The following LNX1 variants were observed in gnomAD, a reference collection of about 807,000 sequenced individuals.
The protein encoded by LNX1 is ligand of numb-protein X 1.
LNX1 carries 54 observed loss-of-function variants against 68.4 expected under a neutral mutation model. That is an observed-to-expected ratio of 0.79 (90% CI 0.63 to 0.99). The LOEUF is 0.99. Ranked by LOEUF, LNX1 falls within the 50% of genes least tolerant of loss-of-function variation. The pLI, the probability that LNX1 is intolerant of heterozygous loss-of-function variation, is 0.00. For synonymous variants in LNX1, 336 were observed against 350.0 expected, an observed-to-expected ratio of 0.96 and a Z score of 0.45; for missense variants, 906 against 926.4, an observed-to-expected ratio of 0.98 and a Z score of 0.29.
At chr4:53,619,549 C>T (rs1253853554), upstream of LNX1, among the ~76,000 whole-genome samples, 2 of 152,102 alleles carry the variant, frequency 1.3e-5, no homozygotes, top group Non-Finnish European at 2.9e-5. Flanking sequence ...TACTGCCTTC[C>T]TTTTTATGGT....
At chr4:53,473,167 T>C (rs1723349345) in intron 9 of LNX1, among the ~76,000 whole-genome samples, 3 of 152,082 alleles carry the variant, frequency 2.0e-5, no homozygotes, top group Non-Finnish European at 2.9e-5. Context: ...AACTGCTCTA[T>C]GAACAAGAGC....
intron 2 of LNX1, among the ~76,000 whole-genome samples, chr4:53,601,496 T>C (rs1467041232): frequency 6.6e-6 from 1 of 152,202 alleles, no homozygotes; most frequent in Non-Finnish European, 1.5e-5. Flanking sequence ...TCTAAGTGAT[T>C]AGGCTGCACC....
intron 9 of LNX1, among the ~76,000 whole-genome samples, chr4:53,468,217 C>A (rs1205621741): frequency 2.0e-5 from 3 of 152,104 alleles, no homozygotes; most frequent in African/African-American, 7.2e-5. Flanking sequence ...AATTTTCAAC[C>A]CAGAATTTCA....
At chr4:53,642,783 A>G (rs1344501122) in intron 1 of LNX1, among the ~76,000 whole-genome samples, 1 of 152,122 alleles carries the variant, frequency 6.6e-6, no homozygotes, top group Admixed American at 6.5e-5. Flanking sequence ...TTACTTTGAG[A>G]TCAGAATGGT....
intron 2 of LNX1, among the ~76,000 whole-genome samples, chr4:53,548,270 T>A (rs1729247563): frequency 6.6e-6 from 1 of 152,206 alleles, no homozygotes; most frequent in Non-Finnish European, 1.5e-5. Context: ...TGAGCAATTT[T>A]CCTCCATTTA....
intron 1 of LNX1, among the ~76,000 whole-genome samples, chr4:53,643,751 A>C (rs1365760741): frequency 1.3e-5 from 2 of 152,182 alleles, no homozygotes; most frequent in Non-Finnish European, 2.9e-5. Flanking sequence ...AAGCTCTTTG[A>C]ACCTCAGTTT....
intron 2 of LNX1, among the ~76,000 whole-genome samples, chr4:53,614,197 T>A (rs1004164525): frequency 6.6e-6 from 1 of 152,198 alleles, no homozygotes; most frequent in African/African-American, 2.4e-5. Context: ...CCATTGTAGA[T>A]GCTTTTTCAG....
chr4:53,628,350 CA>C (rs1560699713), intron 1 of LNX1, among the ~76,000 whole-genome samples: 1 of 151,976 alleles, frequency 6.6e-6, no homozygotes, highest in African/African-American at 2.4e-5. Context: ...AGACATTTCT[CA>C]AAAAAAGTTA....
chr4:53,546,971 T>G (rs1394675791), intron 2 of LNX1, among the ~76,000 whole-genome samples: 2 of 152,168 alleles, frequency 1.3e-5, no homozygotes, highest in Non-Finnish European at 1.5e-5. Flanking sequence ...AGTTACCCCT[T>G]TCTCAGCTCA....
At chr4:53,552,760 T>A (rs1577702954) in intron 2 of LNX1, among the ~76,000 whole-genome samples, 2 of 138,006 alleles carry the variant, frequency 1.4e-5, no homozygotes, top group African/African-American at 5.5e-5. Flanking sequence ...ACCCGGGAGA[T>A]GGAGGTTGCA....
At position 53,459,437 on chromosome 4, in the gene LNX1, A is replaced by G; in HGVS notation, c.*1470T>C. 1 of 1,613,674 alleles carries G rather than the reference A, an allele frequency of 6.2e-7. No individual in the cohort carries two copies. The highest frequency in any genetic ancestry group is 8.5e-7 in the Non-Finnish European group (1 of 1,179,656). On this transcript the variant is annotated 3_prime_UTR_variant, in exon 11 of 11. Transcript: ENST00000263925. ...CTGAACAGGAGAGCACCGAAGCTAC[A>G]CCTGCAGAATAGGCATGGTTTTGGC...
chr4:53,474,485 A>G (rs926806399), intron 9 of LNX1, among the ~76,000 whole-genome samples: 8 of 152,234 alleles, frequency 5.3e-5, no homozygotes, highest in African/African-American at 1.7e-4. Context: ...GGCCCTTTTT[A>G]GAAAAGATTT....
intron 9 of LNX1, among the ~76,000 whole-genome samples, chr4:53,472,082 C>A (rs1462943321): frequency 6.6e-6 from 1 of 152,184 alleles, no homozygotes; most frequent in Non-Finnish European, 1.5e-5. Context: ...GACTTGGAAC[C>A]AACCCAAATT....
At chr4:53,508,362 T>G in intron 2 of LNX1, 135 bp from the exon 3 acceptor site, 2 of 1,058,090 alleles carry the variant, frequency 1.9e-6, no homozygotes, top group African/African-American at 3.2e-5. Flanking sequence ...TGCCGCTATA[T>G]CCTCTCTTCC....
chr4:53,509,194 C>T (rs1050352838), intron 2 of LNX1, among the ~76,000 whole-genome samples: 1 of 152,188 alleles, frequency 6.6e-6, no homozygotes, highest in Non-Finnish European at 1.5e-5. Flanking sequence ...CTACAGGTAA[C>T]CACTCCAGTT....
intron 1 of LNX1, chr4:53,576,273 A>G: frequency 6.2e-7 from 1 of 1,612,098 alleles, no homozygotes; most frequent in Non-Finnish European, 8.5e-7. Context: ...ATGGGTTAGC[A>G]TACCGCTTCG....
chr4:53,535,880 CT>C (rs1449126730), intron 2 of LNX1, among the ~76,000 whole-genome samples: 2 of 152,176 alleles, frequency 1.3e-5, no homozygotes, highest in South Asian at 2.1e-4. Flanking sequence ...GATATGACCC[CT>C]GATAACTGTT....
chr4:53,530,237 C>T (rs1727923220), intron 2 of LNX1, among the ~76,000 whole-genome samples: 1 of 151,778 alleles, frequency 6.6e-6, no homozygotes, highest in Middle Eastern at 3.2e-3. Flanking sequence ...TTAAAATATA[C>T]AGAAAGAATC....
chr4:53,548,137 C>T (rs1485714933), intron 2 of LNX1, among the ~76,000 whole-genome samples: 3 of 146,630 alleles, frequency 2.0e-5, no homozygotes, highest in South Asian at 2.2e-4. Flanking sequence ...AAAAAAAAGT[C>T]GGGGGAAATA....
Sources: gnomAD v4.1 joint callset for allele counts (sites outside exome capture counted in the v4.1 genomes callset) on GRCh38, gnomAD v4.1.1 for gene constraint, MANE v1.5 for transcripts, NCBI Gene and HGNC (gene_info 2026-07-23, HGNC 2026-07-21) for gene names.